The following KLF17 variants were observed in gnomAD, a reference collection of about 807,000 sequenced individuals.
KLF17 encodes Krueppel-like factor 17.
A neutral mutation model predicts 34.2 loss-of-function variants in KLF17; 31 were observed. That is an observed-to-expected ratio of 0.91 (90% CI 0.68 to 1.22). The LOEUF (loss-of-function observed/expected upper bound fraction) is 1.22, where lower values mean the gene tolerates loss of function less well. Ranked by LOEUF, KLF17 falls within the 50% of genes most tolerant of loss-of-function variation. KLF17 has a pLI of 0.00. For synonymous variants in KLF17, 179 were observed against 186.7 expected (o/e 0.96, Z 0.34); for missense variants, 478 against 505.2 (o/e 0.95, Z 0.52).
the KLF17 span, among the ~76,000 whole-genome samples, chr1:44,111,850 G>A: frequency 4.6e-5 from 7 of 152,232 alleles, no homozygotes; most frequent in African/African-American, 1.2e-4. Context: ...CTGAGATCGC[G>A]CCATTGCACT....
chr1:44,045,088 G>A, the KLF17 span: 2 of 152,176 alleles, frequency 1.3e-5, no homozygotes, highest in African/African-American at 2.4e-5. Context: ...GTAGTTTCTC[G>A]AGGTGCCATG....
the KLF17 span, among the ~76,000 whole-genome samples, chr1:44,086,262 T>A: frequency 6.6e-6 from 1 of 151,756 alleles, no homozygotes; most frequent in Admixed American, 6.6e-5. Flanking sequence ...AGATCGGGAG[T>A]TTGTGACCAG....
At chr1:44,099,927 G>GAA in the KLF17 span, among the ~76,000 whole-genome samples, 12 of 144,178 alleles carry the variant, frequency 8.3e-5, 2 homozygotes, top group South Asian at 2.9e-3. Context: ...GAAAAGAAAG[G>GAA]GAGGGAGGGA....
chr1:44,046,597 A>C, the KLF17 span, among the ~76,000 whole-genome samples: 1 of 151,974 alleles, frequency 6.6e-6, no homozygotes, highest in African/African-American at 2.4e-5. Flanking sequence ...AATCCTATGA[A>C]GTAGATACTA....
At chr1:44,088,060 G>T in the KLF17 span, 1 of 217,794 alleles carries the variant, frequency 4.6e-6, no homozygotes, top group South Asian at 8.2e-5. Context: ...TGCTGCTTGA[G>T]AGATGGGTTC....
the KLF17 span, among the ~76,000 whole-genome samples, chr1:44,060,243 G>A: frequency 1.3e-5 from 2 of 152,086 alleles, no homozygotes; most frequent in African/African-American, 4.8e-5. Context: ...GCCAAGCCAG[G>A]GGGATCACTT....
chr1:44,083,961 T>C, the KLF17 span, among the ~76,000 whole-genome samples: 19 of 152,210 alleles, frequency 1.2e-4, no homozygotes, highest in African/African-American at 4.6e-4. Flanking sequence ...AGTCTTCATG[T>C]ATATTCAACC....
the KLF17 span, among the ~76,000 whole-genome samples, chr1:44,052,807 A>G: frequency 6.6e-6 from 1 of 152,216 alleles, no homozygotes; most frequent in Non-Finnish European, 1.5e-5. Flanking sequence ...AGTAAATTCA[A>G]ATTAGACAAA....
chr1:44,098,354 T>A, the KLF17 span, among the ~76,000 whole-genome samples: 33 of 152,212 alleles, frequency 2.2e-4, no homozygotes, highest in Non-Finnish European at 4.1e-4. Flanking sequence ...CTCTCTTTTT[T>A]AATTAGTCTA....
chr1:44,091,934 A>C, the KLF17 span, among the ~76,000 whole-genome samples: 25 of 139,236 alleles, frequency 1.8e-4, no homozygotes, highest in East Asian at 4.1e-4. Flanking sequence ...AAAACCCAAA[A>C]AACAACAACA....
the KLF17 span, among the ~76,000 whole-genome samples, chr1:44,065,405 G>GTTTTT: frequency 2.5e-5 from 3 of 119,022 alleles, no homozygotes; most frequent in South Asian, 2.7e-4. Flanking sequence ...ATAATCCTTG[G>GTTTTT]TTTTTTTTTT....
the KLF17 span, among the ~76,000 whole-genome samples, chr1:44,054,405 G>A: frequency 1.3e-5 from 2 of 150,512 alleles, no homozygotes; most frequent in Non-Finnish European, 3.0e-5. Flanking sequence ...AATATGGGAA[G>A]ATCAGTGTCT....
chr1:44,133,739 C>A lies in KLF17; in HGVS notation c.*502C>A, dbSNP rs1213589906. On this transcript the variant is annotated 3_prime_UTR_variant, in exon 4 of 4. Transcript: ENST00000372299. ...CCTGCCCTCTCACCCCTACCCTGAC[C>A]TTGTCCTACTTCACTGCCTTTGTCT... The A allele has an allele frequency of 6.6e-6, 1 of 152,338 alleles. No homozygotes were observed. Among genetic ancestry groups the A allele is most frequent in the African/African-American group, 2.4e-5 (1 of 41,466 alleles). 9.4% of individuals were successfully genotyped at this position (152,338 alleles called of 1,614,324 possible).
At chr1:44,078,827 C>G in the KLF17 span, among the ~76,000 whole-genome samples, 8 of 152,254 alleles carry the variant, frequency 5.3e-5, no homozygotes, top group South Asian at 8.3e-4. Context: ...CAAGTTTCAC[C>G]AGTGCCCCAG....
At chr1:44,069,191 A>T in the KLF17 span, among the ~76,000 whole-genome samples, 5 of 152,114 alleles carry the variant, frequency 3.3e-5, no homozygotes, top group Admixed American at 6.5e-5. The surrounding 1 kb of genome is among the most constrained non-coding windows in gnomAD (Gnocchi z 4.7). Context: ...CCCTGGCAGG[A>T]TAGGGGTGGG....
the KLF17 span, among the ~76,000 whole-genome samples, chr1:44,099,233 G>A: frequency 5.4e-5 from 8 of 148,230 alleles, no homozygotes; most frequent in Admixed American, 2.0e-4. Flanking sequence ...ATCAAACCCC[G>A]TCTCCACAAA....
rs2088151202 is a variant in KLF17, at chr1:44,134,912, A to C, written c.*1675A>C. 6.6e-6 allele frequency: 1 copy of C among 152,206 alleles called. No individual in the cohort carries two copies. The allele number at this position is 152,206 out of a possible 1,614,324, so 9.4% of individuals were successfully genotyped here. On this transcript the variant is annotated 3_prime_UTR_variant, in exon 4 of 4. Coordinates refer to ENST00000372299, the MANE Select transcript of KLF17 (RefSeq NM_173484.4). ...CTTGTGTTATAAGTAACACAGAAGA[A>C]GAATGGATGAACTTGATTCGTTTTC...
the KLF17 span, chr1:44,110,338 A>G: frequency 2.0e-5 from 3 of 152,238 alleles, no homozygotes; most frequent in Non-Finnish European, 4.4e-5. Flanking sequence ...TGAGCATTCT[A>G]TCTTAATTAG....
At chr1:44,110,968 A>G in the KLF17 span, among the ~76,000 whole-genome samples, 1 of 151,918 alleles carries the variant, frequency 6.6e-6, no homozygotes, top group African/African-American at 2.4e-5. Flanking sequence ...AAAAAAAATA[A>G]TTTAGTTAAA....
Sources: gnomAD v4.1 joint callset for allele counts (sites outside exome capture counted in the v4.1 genomes callset) on GRCh38, gnomAD v4.1.1 for gene constraint, Gnocchi (gnomAD v3.1) non-coding constraint, MANE v1.5 for transcripts, NCBI Gene and HGNC (gene_info 2026-07-23, HGNC 2026-07-21) for gene names.